The following POTEJ variants were observed in gnomAD, a reference collection of about 807,000 sequenced individuals.
POTEJ encodes POTE ankyrin domain family, member J.
A neutral mutation model predicts 69.0 loss-of-function variants in POTEJ; 11 were observed. The observed-to-expected ratio is 0.16, with a 90% CI of 0.10 to 0.26. The LOEUF is 0.26. POTEJ is among the 10% of genes least tolerant of loss of function. The pLI, the probability that POTEJ is intolerant of heterozygous loss-of-function variation, is 1.00. For synonymous variants in POTEJ, 117 were observed against 381.1 expected (o/e 0.31, Z 8.07); for missense variants, 327 against 1,045.5 (o/e 0.31, Z 9.48).
intron 6 of POTEJ, among the ~76,000 whole-genome samples, chr2:130,626,700 A>G (rs1415500283): frequency 2.0e-5 from 3 of 152,182 alleles, no homozygotes; most frequent in Admixed American, 1.3e-4. Context: ...AAGTTTTTGC[A>G]GTAGTCAGCT....
chr2:130,618,196 TGTG>T (rs1425152362), intron 3 of POTEJ, among the ~76,000 whole-genome samples: 14 of 152,380 alleles, frequency 9.2e-5, no homozygotes, highest in African/African-American at 3.4e-4. Flanking sequence ...GGGAAAATCA[TGTG>T]GTGTTTTCAG....
chr2:130,654,752 T>C (rs1249952762), intron 13 of POTEJ, among the ~76,000 whole-genome samples, 169 bp from the exon 14 acceptor site: 2 of 144,178 alleles, frequency 1.4e-5, no homozygotes, highest in Admixed American at 1.4e-4. Flanking sequence ...CAGTCCCTGG[T>C]GCCAGCATGG....
chr2:130,643,524 A>G lies in POTEJ; in HGVS notation c.1370-459A>G, dbSNP rs1686472100. 1.4e-5 allele frequency among the ~76,000 whole-genome samples: 2 copies of G among 143,876 alleles called. 1 individual carries two copies. The highest frequency in any genetic ancestry group is 1.4e-4 in the Admixed American group (2 of 14,262). The allele number at this position is 143,876 out of a possible 152,430, so 94.4% of individuals were successfully genotyped here. On this transcript the variant is annotated intron_variant, in intron 10 of 14. Transcript: ENST00000409602. Reference sequence around the variant, plus strand: ...GAGGAAGACCCTGACTCATTAAAAAAAAAAAAAGAAAAAAAGAAAATAAAT... The same window carrying G: ...GAGGAAGACCCTGACTCATTAAAAAGAAAAAAAGAAAAAAAGAAAATAAAT...
intron 9 of POTEJ, among the ~76,000 whole-genome samples, chr2:130,637,073 C>T (rs571669240): frequency 7.7e-5 from 11 of 142,674 alleles, no homozygotes; most frequent in East Asian, 2.0e-4. Flanking sequence ...AGCAAGACTC[C>T]GTCTCAAAAA....
At chr2:130,649,922 A>G (rs1275247632) in intron 13 of POTEJ, among the ~76,000 whole-genome samples, 2 of 152,138 alleles carry the variant, frequency 1.3e-5, no homozygotes, top group Non-Finnish European at 2.9e-5. Flanking sequence ...AAAAAGGGTA[A>G]AAAGAAACCC....
chr2:130,623,727 G>T (rs1471849211), intron 5 of POTEJ, among the ~76,000 whole-genome samples: 1 of 137,348 alleles, frequency 7.3e-6, no homozygotes, highest in East Asian at 2.0e-4. Context: ...AAGACATTGA[G>T]CCTAAGAGAA....
chr2:130,626,927 C>G (rs1460393919), intron 6 of POTEJ, among the ~76,000 whole-genome samples: 3 of 152,048 alleles, frequency 2.0e-5, no homozygotes, highest in African/African-American at 7.3e-5. Flanking sequence ...TAAATAAAAG[C>G]CATTTTGTAA....
intron 6 of POTEJ, among the ~76,000 whole-genome samples, chr2:130,624,693 C>T (rs1230497732): frequency 6.6e-6 from 1 of 151,776 alleles, no homozygotes; most frequent in Non-Finnish European, 1.5e-5. Flanking sequence ...GACCCCTGCT[C>T]TGCGTGGTCC....
intron 9 of POTEJ, among the ~76,000 whole-genome samples, chr2:130,637,769 A>C (rs1307275069): frequency 6.6e-6 from 1 of 152,182 alleles, no homozygotes; most frequent in Non-Finnish European, 1.5e-5. Flanking sequence ...TTCATCTCCC[A>C]TGTCAGCTGG....
At position 130,647,067 on chromosome 2, in the gene POTEJ, G is replaced by A. The variant is rs190964388; in HGVS notation, c.1667+757G>A. Among the ~76,000 whole-genome samples the A allele has an allele frequency of 1.6e-3, 241 of 149,996 alleles. 6 individuals carry two copies. The highest frequency in any genetic ancestry group is 6.8e-3 in the Middle Eastern group (2 of 292). On this transcript the variant is annotated intron_variant, in intron 13 of 14. Coordinates refer to ENST00000409602, the MANE Select transcript of POTEJ (RefSeq NM_001277083.2). ...AGTATTATTATGTAAAAAATTTGGA[G>A]CTAGTCTAATTGCTTATCAATAGGA...
chr2:130,643,244 G>A (rs1430437723), intron 10 of POTEJ, among the ~76,000 whole-genome samples: 1 of 144,116 alleles, frequency 6.9e-6, no homozygotes, highest in African/African-American at 2.6e-5. Context: ...TTCAAAAGAT[G>A]AAAATAAGGC....
Position 130,657,581 on chromosome 2 carries a change from A to T in POTEJ, c.2821A>T (p.Thr941Ser), listed in dbSNP as rs1326530256. ...GGAATCCTGTGGCATCCATGAAACT[A>T]CCTTCAACTCCATCATGAAGTCTGA... ...GMESCGIHET[T>S]FNSIMKSDVD... Residue 941 changes from threonine (T) to serine (S), a missense_variant, in exon 15 of 15, where the codon ACC (threonine) becomes TCC (serine). Physicochemically the swap from Thr to Ser is moderately conservative, Grantham distance 58. Transcript: ENST00000409602. The T allele has an allele frequency of 1.1e-5, 17 of 1,542,300 alleles. 2 individuals carry two copies. Among genetic ancestry groups the T allele is most frequent in the Non-Finnish European group, 1.4e-5 (16 of 1,134,002 alleles).
chr2:130,641,439 A>G (rs1184263659), intron 10 of POTEJ, among the ~76,000 whole-genome samples: 2 of 148,536 alleles, frequency 1.3e-5, no homozygotes, highest in Non-Finnish European at 3.0e-5. Context: ...TAACATTAAT[A>G]GTTGGCAGTT....
intron 10 of POTEJ, among the ~76,000 whole-genome samples, chr2:130,643,564 G>A (rs1011566163): frequency 6.9e-6 from 1 of 144,672 alleles, no homozygotes; most frequent in Non-Finnish European, 1.5e-5. Context: ...CAGAATAGTG[G>A]AGGGAAACAT....
chr2:130,640,597 A>G (rs1686318728), intron 10 of POTEJ, among the ~76,000 whole-genome samples: 2 of 151,890 alleles, frequency 1.3e-5, no homozygotes, highest in South Asian at 2.1e-4. Flanking sequence ...CAGCAGCTCC[A>G]AACATCTTGT....
In POTEJ at chr2:130,628,839, G is replaced by A. The variant is rs564942945; in HGVS notation, c.1016-1110G>A. ...GATCAGGACCATCATGGCCAATGGT[G>A]AAACCCCATCTCTACTAAAAACACG... On this transcript the variant is annotated intron_variant, in intron 6 of 14. Coordinates refer to ENST00000409602, the MANE Select transcript of POTEJ (RefSeq NM_001277083.2). Among the ~76,000 whole-genome samples, 762 of 150,034 alleles carry A rather than the reference G, an allele frequency of 5.1e-3. 20 individuals are homozygous for A. The highest frequency in any genetic ancestry group is 0.018 in the African/African-American group (721 of 39,758).
intron 1 of POTEJ, among the ~76,000 whole-genome samples, chr2:130,613,374 G>C (rs1328214561): frequency 4.7e-5 from 6 of 127,272 alleles, no homozygotes; most frequent in Admixed American, 2.4e-4. Flanking sequence ...ATATATATGT[G>C]TGTGTGTGTG....
rs1352095707 is a variant in POTEJ at position 130,623,787 on chromosome 2, G to T, written c.945-277G>T. On this transcript the variant is annotated intron_variant, in intron 5 of 14. Coordinates refer to ENST00000409602, the MANE Select transcript of POTEJ (RefSeq NM_001277083.2). Reference sequence around the variant, plus strand: ...TGTTCATTATGGAGCTAGGACTTATGCAGAGTTGGGACACTTTCTATTATG... The same window carrying T: ...TGTTCATTATGGAGCTAGGACTTATTCAGAGTTGGGACACTTTCTATTATG... Among the ~76,000 whole-genome samples the T allele has an allele frequency of 2.5e-4, 35 of 137,434 alleles. 1 individual carries two copies. Among genetic ancestry groups the T allele is most frequent in the South Asian group, 8.7e-4 (4 of 4,578 alleles). 90.2% of individuals were successfully genotyped at this position (137,434 alleles called of 152,430 possible). A position where few individuals can be genotyped will look rare whatever the true frequency, so the allele number is the denominator to read the frequency against.
intron 6 of POTEJ, among the ~76,000 whole-genome samples, chr2:130,625,527 A>G (rs1194144539): frequency 2.0e-5 from 3 of 151,752 alleles, no homozygotes; most frequent in Non-Finnish European, 4.4e-5. Flanking sequence ...AAAAGTAGGT[A>G]TGATTTAAGG....
Sources: allele counts gnomAD v4.1 joint callset (sites outside exome capture counted in the v4.1 genomes callset), GRCh38; gene constraint gnomAD v4.1.1; transcripts MANE v1.5; gene names NCBI Gene and HGNC (gene_info 2026-07-23, HGNC 2026-07-21).